Variants in KLF3 observed in about 807,000 individuals in gnomAD.
KLF3 encodes KLF transcription factor 3, also known as Krueppel-like factor 3.
A neutral mutation model predicts 32.7 loss-of-function variants in KLF3; 6 were observed. That is an observed-to-expected ratio of 0.18 (90% CI 0.10 to 0.36). The LOEUF (loss-of-function observed/expected upper bound fraction) is 0.36. KLF3 is among the 10% of genes least tolerant of loss of function. The pLI, the probability that KLF3 is intolerant of heterozygous loss-of-function variation, is 1.00. For missense variants in KLF3, 338 were observed against 449.7 expected (o/e 0.75, Z 2.25); for synonymous variants, 145 against 172.8 (o/e 0.84, Z 1.26).
chr4:38,690,024 C>T, intron 4 of KLF3, 145 bp downstream of exon 4: 2 of 668,308 alleles, frequency 3.0e-6, no homozygotes, highest in Non-Finnish European at 4.9e-6. Context: ...TCCAGTACCA[C>T]TGGTCAAGAT....
Position 38,699,250 on chromosome 4 carries a change from C to T in KLF3, c.*1987C>T, listed in dbSNP as rs1021902388. On this transcript the variant is annotated 3_prime_UTR_variant, in exon 6 of 6. Transcript: ENST00000261438. The stretch of plus-strand genomic sequence containing the variant: ...TGTTTTTTTGTTTTGTTTTGTTTTT[C>T]AGCTAAAGGCAAAGATAATTTTTTT... 5 of 152,022 alleles carry T rather than the reference C, an allele frequency of 3.3e-5. No homozygotes were observed. The highest frequency in any genetic ancestry group is 6.6e-5 in the Admixed American group (1 of 15,266). 9.4% of individuals were successfully genotyped at this position (152,022 alleles called of 1,614,324 possible).
chr4:38,697,280 C>CCT lies in KLF3; in HGVS notation c.*19_*20dup, dbSNP rs769004180. ...CTAGTCTGATTGCCTCTGTGTCCTG[C>CCT]CTCAGCGTGACTCCCCACTCACCTG... On this transcript the variant is annotated 3_prime_UTR_variant, in exon 6 of 6. Transcript: ENST00000261438. 1 of 1,581,304 alleles carries CCT rather than the reference C, an allele frequency of 6.3e-7. No individual in the cohort carries two copies. Among genetic ancestry groups the CCT allele is most frequent in the Non-Finnish European group, 8.6e-7 (1 of 1,159,830 alleles).
rs149554769 is a variant in KLF3, at chr4:38,683,590, A to C, written c.57+2908A>C. Reference sequence around the variant, plus strand: ...GTTTTTTTTTTTTGAAAAAATTATAAAATATGAAACTGTGTGTAAAAAAAT... The same window carrying C: ...GTTTTTTTTTTTTGAAAAAATTATACAATATGAAACTGTGTGTAAAAAAAT... On this transcript the variant is annotated intron_variant, in intron 2 of 5. Coordinates refer to ENST00000261438, the MANE Select transcript of KLF3 (RefSeq NM_016531.6). Among the ~76,000 whole-genome samples the C allele has an allele frequency of 9.1e-3, 1,387 of 152,072 alleles. 20 individuals carry two copies. Among genetic ancestry groups the C allele is most frequent in the African/African-American group, 0.031 (1,301 of 41,494 alleles).
chr4:38,697,733 G>C lies in KLF3; in HGVS notation c.*470G>C, dbSNP rs184857080. 6.5e-6 allele frequency: 1 copy of C among 152,972 alleles called. No individual in the cohort carries two copies. The highest frequency in any genetic ancestry group is 2.4e-5 in the African/African-American group (1 of 41,458). 9.5% of individuals were successfully genotyped at this position (152,972 alleles called of 1,614,324 possible). A position where few individuals can be genotyped will look rare whatever the true frequency, so the allele number is the denominator to read the frequency against. On this transcript the variant is annotated 3_prime_UTR_variant, in exon 6 of 6. Coordinates refer to ENST00000261438, the MANE Select transcript of KLF3 (RefSeq NM_016531.6). ...GAAAACAAGTGTGGCCCCTTGCACCGGTTAGCTAGAAGTACAGCCAGATTT... is the reference window on the plus strand; with the variant it reads ...GAAAACAAGTGTGGCCCCTTGCACCCGTTAGCTAGAAGTACAGCCAGATTT...
intron 2 of KLF3, among the ~76,000 whole-genome samples, chr4:38,683,109 T>C (rs1267505698): frequency 6.6e-6 from 1 of 152,186 alleles, no homozygotes; most frequent in East Asian, 1.9e-4. Flanking sequence ...GTGAAGTATA[T>C]TGAACCTAAT....
intron 5 of KLF3, 31 bp from the exon 6 acceptor site, chr4:38,697,051 A>G: frequency 6.5e-7 from 1 of 1,546,222 alleles, no homozygotes; most frequent in Non-Finnish European, 8.7e-7. Context: ...TACAGAAAAA[A>G]AAAATAGCTC....
intron 1 of KLF3, among the ~76,000 whole-genome samples, chr4:38,678,709 A>G (rs1479988313): frequency 2.0e-5 from 3 of 152,180 alleles, no homozygotes; most frequent in Non-Finnish European, 4.4e-5. Context: ...TAGGATTGCT[A>G]TCATGGAGGT....
At chr4:38,696,047 C>T (rs971830246) in intron 5 of KLF3, among the ~76,000 whole-genome samples, 1 of 152,018 alleles carries the variant, frequency 6.6e-6, no homozygotes, top group Non-Finnish European at 1.5e-5. Flanking sequence ...GTATCTAGAG[C>T]AACGCCCAAA....
rs1166983392 is a variant in KLF3, at chr4:38,688,183, C to T, written c.58-402C>T. Among the ~76,000 whole-genome samples, 1 of 152,222 alleles carries T rather than the reference C, an allele frequency of 6.6e-6. No individual in the cohort carries two copies. The highest frequency in any genetic ancestry group is 1.9e-4 in the East Asian group (1 of 5,202). On this transcript the variant is annotated intron_variant, in intron 2 of 5. Coordinates refer to ENST00000261438, the MANE Select transcript of KLF3 (RefSeq NM_016531.6). The surrounding 1 kb of genome is among the most constrained non-coding windows in gnomAD (Gnocchi z 4.9). Reference sequence around the variant, plus strand: ...TCAAGAAACCCCACCAGAAAAGCAACCAGGTTGGTTTGGCTTGACTGGTTC... The same window carrying T: ...TCAAGAAACCCCACCAGAAAAGCAATCAGGTTGGTTTGGCTTGACTGGTTC...
intron 1 of KLF3, among the ~76,000 whole-genome samples, chr4:38,672,944 A>G (rs966711108): frequency 2.0e-5 from 3 of 152,094 alleles, no homozygotes; most frequent in Non-Finnish European, 4.4e-5. Flanking sequence ...AATAAGGCCA[A>G]TGGGAGGCGG....
rs151170875 is a variant in KLF3 at position 38,674,345 on chromosome 4, T to G, written c.-39-6242T>G. ...GGTAAAGAAACGAAGAGAGAAAAGTTTCTCTGGAAAGGAAGTTTAGCTACA... is the reference window on the plus strand; with the variant it reads ...GGTAAAGAAACGAAGAGAGAAAAGTGTCTCTGGAAAGGAAGTTTAGCTACA... On this transcript the variant is annotated intron_variant, in intron 1 of 5. Coordinates refer to ENST00000261438, the MANE Select transcript of KLF3 (RefSeq NM_016531.6). The surrounding 1 kb of genome is among the most constrained non-coding windows in gnomAD (Gnocchi z 4.1). 4.9e-3 allele frequency among the ~76,000 whole-genome samples: 750 copies of G among 152,250 alleles called. 4 individuals are homozygous for G. Among genetic ancestry groups the G allele is most frequent in the African/African-American group, 0.017 (697 of 41,546 alleles).
intron 1 of KLF3, among the ~76,000 whole-genome samples, chr4:38,678,089 GC>G (rs147140875): frequency 0.031 from 4,773 of 152,204 alleles, 240 homozygotes; most frequent in African/African-American, 0.11. Context: ...TAATTTAGAA[GC>G]ATTTGCATCA....
intron 2 of KLF3, among the ~76,000 whole-genome samples, chr4:38,682,909 G>T (rs1468287737): frequency 6.6e-6 from 1 of 150,820 alleles, no homozygotes; most frequent in Non-Finnish European, 1.5e-5. Context: ...AAATGAAGGT[G>T]TTTTTTTTTC....
intron 1 of KLF3, among the ~76,000 whole-genome samples, chr4:38,675,194 G>A (rs78553387): frequency 0.032 from 4,880 of 152,286 alleles, 234 homozygotes; most frequent in African/African-American, 0.11. Context: ...GGTGGAAAGA[G>A]CATGAAGGGA....
chr4:38,693,542 T>G (rs995811669), intron 4 of KLF3, among the ~76,000 whole-genome samples: 2 of 152,276 alleles, frequency 1.3e-5, no homozygotes, highest in South Asian at 2.1e-4. Flanking sequence ...TTTTTTAAGC[T>G]CACGAGTTAG....
intron 2 of KLF3, among the ~76,000 whole-genome samples, chr4:38,684,219 G>A (rs2109248097): frequency 6.6e-6 from 1 of 152,224 alleles, no homozygotes; most frequent in East Asian, 1.9e-4. Context: ...AGAGCTTTGG[G>A]AAATTATCCA....
Position 38,664,462 on chromosome 4 carries a change from G to GT in KLF3, c.-40+2dup, listed in dbSNP as rs1721930011. ...GGCGCCCTGCACCGCGCCTCGCAAA[G>GT]TAAGTCCCGTCTCCCTCACCTCTGC... On this transcript the variant is annotated splice_donor_variant, in intron 1 of 5. Transcript: ENST00000261438. LOFTEE classifies it low-confidence loss of function (5UTR_SPLICE). 6.6e-6 allele frequency: 1 copy of GT among 152,188 alleles called. No homozygotes were observed. The allele number at this position is 152,188 out of a possible 1,614,324, so 9.4% of individuals were successfully genotyped here. A position where few individuals can be genotyped will look rare whatever the true frequency, so the allele number is the denominator to read the frequency against.
At position 38,697,688 on chromosome 4, in the gene KLF3, A is replaced by G. The variant is rs1723079926; in HGVS notation, c.*425A>G. ...GACATTCTTACCTCTGCCCTGTGAT[A>G]ATATTTTATGCTTGACAGTGAAAAC... On this transcript the variant is annotated 3_prime_UTR_variant, in exon 6 of 6. Coordinates refer to ENST00000261438, the MANE Select transcript of KLF3 (RefSeq NM_016531.6). The G allele has an allele frequency of 6.4e-6, 1 of 156,260 alleles. No homozygotes were observed. The highest frequency in any genetic ancestry group is 2.4e-5 in the African/African-American group (1 of 41,544). The allele number at this position is 156,260 out of a possible 1,614,324, so 9.7% of individuals were successfully genotyped here.
At position 38,699,182 on chromosome 4, in the gene KLF3, C is replaced by CACTG; in HGVS notation, c.*1920_*1923dup. On this transcript the variant is annotated 3_prime_UTR_variant, in exon 6 of 6. Coordinates refer to ENST00000261438, the MANE Select transcript of KLF3 (RefSeq NM_016531.6). Reference sequence around the variant, plus strand: ...GGGTTTGATTTTCCTTTTTTTAAAGCACTGCAAAACTTCTTTAGGATACTA... The same window carrying CACTG: ...GGGTTTGATTTTCCTTTTTTTAAAGCACTGACTGCAAAACTTCTTTAGGATACTA... 1 of 152,092 alleles carries CACTG rather than the reference C, an allele frequency of 6.6e-6. No homozygotes were observed. Among genetic ancestry groups the CACTG allele is most frequent in the Non-Finnish European group, 1.5e-5 (1 of 68,014 alleles). 9.4% of individuals were successfully genotyped at this position (152,092 alleles called of 1,614,324 possible).
Sources: gnomAD v4.1 joint callset for allele counts (sites outside exome capture counted in the v4.1 genomes callset) on GRCh38, gnomAD v4.1.1 for gene constraint, Gnocchi (gnomAD v3.1) non-coding constraint, MANE v1.5 for transcripts, NCBI Gene and HGNC (gene_info 2026-07-23, HGNC 2026-07-21) for gene names.